The following KDM4F variants were observed in gnomAD, a reference collection of about 807,000 sequenced individuals.
The protein encoded by KDM4F is lysine demethylase 4F.
For missense variants in KDM4F, 586 were observed against 496.4 expected (o/e 1.18, Z -1.71); for synonymous variants, 223 against 184.4 (o/e 1.21, Z -1.70).
exon 1 of KDM4F, chr11:95,050,709 TGTGGTC>T (rs1231023257): frequency 7.9e-6 from 5 of 630,874 alleles, no homozygotes; most frequent in Non-Finnish European, 1.4e-5. Flanking sequence ...TTGTCGTGGC[TGTGGTC>T]GTGGTCGAGG....
the KDM4F span, chr11:95,050,079 CT>C: frequency 6.3e-7 from 1 of 1,597,576 alleles, no homozygotes; most frequent in Non-Finnish European, 8.6e-7. Flanking sequence ...TGGTCAGCGC[CT>C]GGAATGCCTG....
At chr11:95,051,175 T>A (rs1858508333) in exon 1 of KDM4F, 1 of 398,822 alleles carries the variant, frequency 2.5e-6, no homozygotes, top group Admixed American at 4.4e-5. Context: ...GCCTCTAGGG[T>A]TCCGGTCCCA....
exon 1 of KDM4F, chr11:95,050,378 T>A: frequency 1.0e-6 from 1 of 960,382 alleles, no homozygotes; most frequent in Non-Finnish European, 1.7e-6. Flanking sequence ...TTTCCATGGA[T>A]GCCTTCGTGC....
chr11:95,050,726 T>TCGTGGTCGAGGC, exon 1 of KDM4F: 1 of 640,722 alleles, frequency 1.6e-6, no homozygotes, highest in Non-Finnish European at 2.8e-6. Context: ...GTGGTCGAGG[T>TCGTGGTCGAGGC]CGTGGTCGAG....
exon 1 of KDM4F, chr11:95,050,661 G>A: frequency 1.6e-6 from 1 of 618,796 alleles, no homozygotes. Flanking sequence ...GGAGACGTCA[G>A]CCTGGGTTCT....
chr11:95,049,696 C>T, exon 1 of KDM4F: 1 of 1,603,416 alleles, frequency 6.2e-7, no homozygotes, highest in Non-Finnish European at 8.5e-7. Flanking sequence ...AAGAAGAAAG[C>T]CATGAGGGTG....
At chr11:95,050,545 G>A (rs995073314) in exon 1 of KDM4F, 99 of 695,248 alleles carry the variant, frequency 1.4e-4, no homozygotes, top group Admixed American at 1.0e-3. Flanking sequence ...AGGCATCTCC[G>A]GAACCACATA....
the KDM4F span, chr11:95,051,284 C>A: frequency 1.6e-4 from 64 of 398,714 alleles, 1 homozygote; most frequent in African/African-American, 1.3e-3. Flanking sequence ...TCCTCCAATG[C>A]ATGATCAATC....
exon 1 of KDM4F, chr11:95,049,453 C>T (rs541458181): frequency 3.5e-5 from 52 of 1,494,034 alleles, no homozygotes; most frequent in South Asian, 2.7e-4. Context: ...CCCCAGAACA[C>T]GAGTCATACC....
chr11:95,050,637 G>T, exon 1 of KDM4F: 2 of 621,834 alleles, frequency 3.2e-6, no homozygotes, highest in Admixed American at 5.2e-5. Flanking sequence ...GCCTGGATCT[G>T]CAATCCAAGC....
At chr11:95,050,325 A>G in exon 1 of KDM4F, 3 of 1,302,498 alleles carry the variant, frequency 2.3e-6, no homozygotes, top group South Asian at 1.2e-5. Context: ...TGATTATGGT[A>G]AAGTGGCTTC....
At chr11:95,050,339 G>A (rs1858498739) in exon 1 of KDM4F, 1 of 1,229,338 alleles carries the variant, frequency 8.1e-7, no homozygotes, top group Non-Finnish European at 1.2e-6. Flanking sequence ...TGGCTTCACA[G>A]TGTAGCTGTG....
exon 1 of KDM4F, chr11:95,049,960 G>C: frequency 1.9e-6 from 3 of 1,614,216 alleles, no homozygotes; most frequent in Non-Finnish European, 2.5e-6. Flanking sequence ...CTGTACTTTG[G>C]CATGTGGAAG....
At chr11:95,051,049 T>G in exon 1 of KDM4F, 1 of 420,082 alleles carries the variant, frequency 2.4e-6, no homozygotes, top group South Asian at 1.0e-4. Context: ...CCTCTTGTTG[T>G]CCCTATGACT....
exon 1 of KDM4F, chr11:95,050,405 G>T: frequency 1.1e-6 from 1 of 873,392 alleles, no homozygotes; most frequent in Non-Finnish European, 1.9e-6. Flanking sequence ...TGCAACCCGA[G>T]AGCTATGAGC....
exon 1 of KDM4F, chr11:95,050,755 G>A (rs1323705046): frequency 1.2e-5 from 8 of 651,974 alleles, no homozygotes; most frequent in South Asian, 3.5e-5. Context: ...CGTCGTCCTC[G>A]AGAACTGGGG....
At chr11:95,049,579 A>T in exon 1 of KDM4F, 1 of 1,598,370 alleles carries the variant, frequency 6.3e-7, no homozygotes, top group Non-Finnish European at 8.5e-7. Context: ...CCACCCAAGG[A>T]ATGGAAAGCC....
chr11:95,050,361 G>A, exon 1 of KDM4F: 1 of 1,096,804 alleles, frequency 9.1e-7, no homozygotes, highest in Non-Finnish European at 1.4e-6. Flanking sequence ...CGAGGCGAGA[G>A]TGACCTTTTC....
In KDM4F at chr11:95,050,810, A is replaced by G. The variant is rs1470131458; in HGVS notation, c.1389A>G (p.Ser463=). ...AGTCTGCAGCTAAGAGGCGCCTCTC[A>G]GTGGGGACAGGGAGCAGAGCTCCAG... Residue 463 remains serine, a synonymous_variant, in exon 1 of 1, where the codon TCA becomes TCG. Transcript: ENST00000545950. 5.0e-6 allele frequency: 3 copies of G among 603,636 alleles called. No individual in the cohort carries two copies. The African/African-American group carries it at 5.5e-5, about 11-fold the overall frequency. The allele number at this position is 603,636 out of a possible 1,614,324, so 37.4% of individuals were successfully genotyped here.
Sources: allele counts gnomAD v4.1 joint callset, GRCh38; gene constraint gnomAD v4.1.1; transcripts MANE v1.5; gene names NCBI Gene and HGNC (gene_info 2026-07-23, HGNC 2026-07-21).